UXS1: variants seen among roughly 807,000 people sequenced by gnomAD.
The protein encoded by UXS1 is UDP-glucuronic acid decarboxylase 1.
A neutral mutation model predicts 62.6 loss-of-function variants in UXS1; 33 were observed. The observed-to-expected ratio is 0.53, with a 90% CI of 0.40 to 0.70. The LOEUF (loss-of-function observed/expected upper bound fraction) is 0.70, where lower values mean the gene tolerates loss of function less well. UXS1 is among the 30% of genes least tolerant of loss of function. The pLI is 0.00. For synonymous variants in UXS1, 213 were observed against 206.8 expected, an observed-to-expected ratio of 1.03 and a Z score of -0.26; for missense variants, 434 against 556.3, an observed-to-expected ratio of 0.78 and a Z score of 2.21.
chr2:106,111,657 A>G (rs1292266032), intron 10 of UXS1, among the ~76,000 whole-genome samples: 1 of 152,204 alleles, frequency 6.6e-6, no homozygotes, highest in African/African-American at 2.4e-5. Flanking sequence ...AAGGAGGGGA[A>G]TAATGTCACC....
At chr2:106,125,721 T>A (rs3739137) in intron 7 of UXS1, 42 bp from the exon 8 acceptor site, 1,365,519 of 1,519,526 alleles carry the variant, frequency 0.9, 618,673 homozygotes, top group Non-Finnish European at 0.93. Flanking sequence ...TGAATTTACA[T>A]GTGCAGGCAC....
At chr2:106,130,913 C>T (rs1016526856) in intron 6 of UXS1, among the ~76,000 whole-genome samples, 8 of 152,080 alleles carry the variant, frequency 5.3e-5, no homozygotes, top group Middle Eastern at 3.4e-3. Context: ...CCAAGATGGC[C>T]GAATAGGAAC....
chr2:106,194,169 C>A lies in UXS1; in HGVS notation c.73G>T (p.Ala25Ser), dbSNP rs1460553384. ...TCACAGGCGACGTAGGCCAGCAAGG[C>A]GATGCCCAGCAGCAGCTTCATCCTC... The part of the protein sequence containing the change: ...RRRMKLLLGI[A>S]LLAYVASVWG... Residue 25 changes from alanine to serine, a missense_variant, in exon 1 of 15, where the codon GCC becomes TCC. Around this residue, in one of 3 missense-constraint regions of UXS1, gnomAD observed 91 missense variants for 71.1 expected, o/e 1.28. Coordinates refer to ENST00000283148, the MANE Select transcript of UXS1 (RefSeq NM_001253875.2). The A allele has an allele frequency of 3.4e-6, 5 of 1,484,572 alleles. No homozygotes were observed. In the South Asian group the frequency reaches 6.3e-5, roughly 19 times the overall value. The allele number at this position is 1,484,572 out of a possible 1,614,324, so 92.0% of individuals were successfully genotyped here.
chr2:106,165,016 C>T (rs955407849), intron 2 of UXS1, among the ~76,000 whole-genome samples: 2 of 152,188 alleles, frequency 1.3e-5, no homozygotes, highest in Non-Finnish European at 2.9e-5. Context: ...TCAGTATTAC[C>T]TAATGGATTA....
At chr2:106,173,905 A>C (rs1683714052) in intron 1 of UXS1, among the ~76,000 whole-genome samples, 1 of 152,344 alleles carries the variant, frequency 6.6e-6, no homozygotes. Context: ...GGGATACCAG[A>C]ATGACTAAGG....
chr2:106,115,390 C>A (rs1573434507), intron 9 of UXS1, among the ~76,000 whole-genome samples: 1 of 152,242 alleles, frequency 6.6e-6, no homozygotes, highest in African/African-American at 2.4e-5. Context: ...TCAGGCCCTG[C>A]TGACACTGAG....
At chr2:106,095,793 C>A (rs1677026968) in intron 14 of UXS1, among the ~76,000 whole-genome samples, 1 of 152,148 alleles carries the variant, frequency 6.6e-6, no homozygotes. Context: ...ACCCAGCCAA[C>A]CTCCCTACAC....
chr2:106,130,678 G>A (rs1680371828), intron 6 of UXS1, among the ~76,000 whole-genome samples: 1 of 152,152 alleles, frequency 6.6e-6, no homozygotes, highest in Non-Finnish European at 1.5e-5. Context: ...GGGAACTGCT[G>A]CTGTCTTTCC....
At chr2:106,169,548 G>A (rs1052227662) in intron 1 of UXS1, among the ~76,000 whole-genome samples, 1 of 152,128 alleles carries the variant, frequency 6.6e-6, no homozygotes, top group African/African-American at 2.4e-5. Flanking sequence ...TTAGCCAGGG[G>A]TGGTGGCCTG....
At chr2:106,127,069 A>C (rs936147490) in intron 7 of UXS1, among the ~76,000 whole-genome samples, 1 of 152,194 alleles carries the variant, frequency 6.6e-6, no homozygotes, top group South Asian at 2.1e-4. Context: ...AGTGTGTATC[A>C]AAGTTCCTTC....
intron 7 of UXS1, among the ~76,000 whole-genome samples, chr2:106,126,555 C>T (rs555518293): frequency 6.6e-6 from 1 of 152,242 alleles, no homozygotes; most frequent in East Asian, 1.9e-4. Flanking sequence ...CTGGGTGAGG[C>T]TGGGTGGGGT....
At chr2:106,122,632 A>T (rs768159272) in intron 9 of UXS1, among the ~76,000 whole-genome samples, 61 of 152,278 alleles carry the variant, frequency 4.0e-4, no homozygotes, top group Admixed American at 2.3e-3. Flanking sequence ...ATTGATAGAA[A>T]AGTAAAAAAA....
chr2:106,104,941 AG>A lies in UXS1; in HGVS notation c.880-105del, dbSNP rs1677932200. 5.0e-6 allele frequency: 7 copies of A among 1,391,670 alleles called. No individual in the cohort carries two copies. The East Asian group carries it at 1.4e-4, about 27-fold the overall frequency. The allele number at this position is 1,391,670 out of a possible 1,614,324, so 86.2% of individuals were successfully genotyped here. A position where few individuals can be genotyped will look rare whatever the true frequency, so the allele number is the denominator to read the frequency against. ...ACAGTCCGACCTTGAAACTGATCCCAGGGGGCAGTGATGCTGACTCAAAGCA... is the reference window on the plus strand; with the variant it reads ...ACAGTCCGACCTTGAAACTGATCCCAGGGGCAGTGATGCTGACTCAAAGCA... On this transcript the variant is annotated intron_variant, in intron 10 of 14. Coordinates refer to ENST00000283148, the MANE Select transcript of UXS1 (RefSeq NM_001253875.2).
At chr2:106,107,772 G>A (rs934437538) in intron 10 of UXS1, among the ~76,000 whole-genome samples, 1 of 152,198 alleles carries the variant, frequency 6.6e-6, no homozygotes, top group Non-Finnish European at 1.5e-5. Context: ...TGCGTGACTC[G>A]CCAGGGGCAG....
At chr2:106,115,075 C>T (rs1317183753) in intron 9 of UXS1, among the ~76,000 whole-genome samples, 2 of 152,206 alleles carry the variant, frequency 1.3e-5, no homozygotes, top group African/African-American at 4.8e-5. Context: ...CTGGTCCTCA[C>T]GGTGGGACCA....
intron 5 of UXS1, among the ~76,000 whole-genome samples, chr2:106,151,852 C>A (rs1682040603): frequency 6.6e-6 from 1 of 152,154 alleles, no homozygotes; most frequent in South Asian, 2.1e-4. Flanking sequence ...TGTAAGCCAT[C>A]TCAAAAAGGC....
intron 3 of UXS1, 137 bp from the exon 4 acceptor site, chr2:106,163,847 A>ATACAC (rs1214473150): frequency 4.2e-6 from 2 of 479,362 alleles, no homozygotes; most frequent in Non-Finnish European, 7.4e-6. Context: ...TGAAATTAAG[A>ATACAC]TACACCACTT....
Position 106,129,649 on chromosome 2 carries a change from A to G in UXS1, c.577+25T>C, listed in dbSNP as rs994910686. The G allele has an allele frequency of 1.9e-6, 3 of 1,572,256 alleles. No homozygotes were observed. The African/African-American group carries it at 4.0e-5, about 21-fold the overall frequency. On this transcript the variant is annotated intron_variant, in intron 7 of 14. Coordinates refer to ENST00000283148, the MANE Select transcript of UXS1 (RefSeq NM_001253875.2). ...TCTAAAATATTCCCAGCAACAGCCA[A>G]AAAAACAAGAAAATGACAACTTACC...
chr2:106,098,585 T>C (rs1677319381), intron 13 of UXS1, 131 bp downstream of exon 13: 12 of 730,018 alleles, frequency 1.6e-5, no homozygotes, highest in Non-Finnish European at 2.8e-5. Context: ...ACTTAAGTAT[T>C]CCTGATAAAA....
Sources: allele counts gnomAD v4.1 joint callset (sites outside exome capture counted in the v4.1 genomes callset), GRCh38; gene constraint gnomAD v4.1.1; regional missense constraint gnomAD v4.1.1; transcripts MANE v1.5; gene names NCBI Gene and HGNC (gene_info 2026-07-23, HGNC 2026-07-21).